Variants in SNX6 observed in about 807,000 individuals in gnomAD.
SNX6 encodes sorting nexin-6.
A neutral mutation model predicts 63.0 loss-of-function variants in SNX6; 34 were observed. That is an observed-to-expected ratio of 0.54 (90% CI 0.41 to 0.72). The LOEUF (loss-of-function observed/expected upper bound fraction) is 0.72, where lower values mean the gene tolerates loss of function less well. Ranked by LOEUF, SNX6 falls within the 30% of genes least tolerant of loss-of-function variation. The pLI, the probability that SNX6 is intolerant of heterozygous loss-of-function variation, is 0.00. For synonymous variants in SNX6, 170 were observed against 164.2 expected (o/e 1.04, Z -0.27); for missense variants, 398 against 471.4 (o/e 0.84, Z 1.44).
chr14:34,583,224 G>C lies in SNX6; in HGVS notation c.795-1624C>G, dbSNP rs566597366. On this transcript the variant is annotated intron_variant, in intron 9 of 13. Coordinates refer to ENST00000362031, the MANE Select transcript of SNX6 (RefSeq NM_152233.4). ...CTTGGGAGGCTGAGGCAGGAGAATG[G>C]TGTGAACCCGGGAGGTGGAGCTTGC... 5.3e-5 allele frequency among the ~76,000 whole-genome samples: 8 copies of C among 152,228 alleles called. No individual in the cohort carries two copies. In the South Asian group the frequency reaches 1.7e-3, roughly 32 times the overall value.
chr14:34,581,076 A>G (rs1056420626), intron 10 of SNX6, among the ~76,000 whole-genome samples: 8 of 152,212 alleles, frequency 5.3e-5, no homozygotes, highest in African/African-American at 1.7e-4. Flanking sequence ...ATCTTCCTCA[A>G]TAGAGTTAAA....
At chr14:34,575,865 A>G (rs889389607) in intron 10 of SNX6, 23 bp from the exon 11 acceptor site, 2 of 1,377,762 alleles carry the variant, frequency 1.5e-6, no homozygotes, top group South Asian at 2.5e-5. Flanking sequence ...AAAAAATTGA[A>G]TATTTAATCA....
At chr14:34,618,047 TAG>T (rs1394378220) in intron 2 of SNX6, among the ~76,000 whole-genome samples, 3 of 152,068 alleles carry the variant, frequency 2.0e-5, no homozygotes, top group Non-Finnish European at 4.4e-5. Context: ...AAAGCAAATG[TAG>T]AGAGATGGAT....
intron 5 of SNX6, among the ~76,000 whole-genome samples, chr14:34,605,318 T>G (rs539956564): frequency 6.6e-6 from 1 of 152,264 alleles, no homozygotes; most frequent in East Asian, 1.9e-4. Flanking sequence ...ACCTTTTACC[T>G]TTTTAAAAGA....
intron 8 of SNX6, among the ~76,000 whole-genome samples, chr14:34,587,798 A>AT (rs1168575667): frequency 0.11 from 12,301 of 107,004 alleles, 889 homozygotes; most frequent in Non-Finnish European, 0.15. Flanking sequence ...CGGTTGGCTA[A>AT]TTTTTTTTTT....
At chr14:34,610,550 A>G (rs1883189491) in intron 2 of SNX6, among the ~76,000 whole-genome samples, 2 of 152,202 alleles carry the variant, frequency 1.3e-5, no homozygotes, top group South Asian at 4.1e-4. Context: ...ACTATCAAAT[A>G]TAATTAAACA....
chr14:34,613,045 A>AG (rs1883291271), intron 2 of SNX6, among the ~76,000 whole-genome samples: 1 of 100,396 alleles, frequency 1.0e-5, no homozygotes, highest in Admixed American at 9.5e-5. Context: ...TCTATCCAAA[A>AG]AAAAAAAAAA....
chr14:34,628,778 A>G (rs1183143028), intron 2 of SNX6, among the ~76,000 whole-genome samples: 2 of 152,220 alleles, frequency 1.3e-5, no homozygotes, highest in Non-Finnish European at 2.9e-5. Context: ...ATTAAAACGG[A>G]TAAGAAAAAG....
intron 9 of SNX6, among the ~76,000 whole-genome samples, chr14:34,584,195 G>A (rs1488651693): frequency 6.6e-6 from 1 of 152,156 alleles, no homozygotes; most frequent in Non-Finnish European, 1.5e-5. Flanking sequence ...TTGCCAAAAA[G>A]CGTGACTTTT....
At chr14:34,604,911 T>C (rs1388728094) in intron 5 of SNX6, among the ~76,000 whole-genome samples, 1 of 151,896 alleles carries the variant, frequency 6.6e-6, no homozygotes, top group Non-Finnish European at 1.5e-5. Flanking sequence ...GCATAAGTGA[T>C]ACTCAACCTG....
chr14:34,603,296 A>G (rs1487352014), intron 6 of SNX6, 52 bp downstream of exon 6: 2 of 1,448,232 alleles, frequency 1.4e-6, no homozygotes, highest in African/African-American at 1.4e-5. Flanking sequence ...AAAAAAAAAA[A>G]GAAGAAGAAG....
chr14:34,603,516 A>T, intron 5 of SNX6, 45 bp from the exon 6 acceptor site: 1 of 1,497,148 alleles, frequency 6.7e-7, no homozygotes, highest in South Asian at 1.4e-5. Flanking sequence ...TCCATCAACT[A>T]AAAAGTCACC....
At position 34,562,571 on chromosome 14, in the gene SNX6, A is replaced by G. The variant is rs1043598306; in HGVS notation, c.*551T>C. ...CTAATGCATTTGCTTTTCTTCAGAA[A>G]TCATACTTATAAAGATTACATAAAA... On this transcript the variant is annotated 3_prime_UTR_variant, in exon 14 of 14. Coordinates refer to ENST00000362031, the MANE Select transcript of SNX6 (RefSeq NM_152233.4). 1.3e-5 allele frequency: 2 copies of G among 152,700 alleles called. No individual in the cohort carries two copies. The highest frequency in any genetic ancestry group is 2.9e-5 in the Non-Finnish European group (2 of 68,082). 9.5% of individuals were successfully genotyped at this position (152,700 alleles called of 1,614,324 possible).
chr14:34,625,248 A>G (rs1883783427), intron 2 of SNX6, among the ~76,000 whole-genome samples: 1 of 152,150 alleles, frequency 6.6e-6, no homozygotes, highest in African/African-American at 2.4e-5. Context: ...CAACAAGATG[A>G]TCTAAACTAA....
At chr14:34,586,139 AATCC>A in intron 9 of SNX6, 87 bp downstream of exon 9, 1 of 647,788 alleles carries the variant, frequency 1.5e-6, no homozygotes, top group Non-Finnish European at 2.6e-6. Flanking sequence ...CTGACCTCTT[AATCC>A]ACCCACCTTC....
chr14:34,611,399 C>T (rs1457986088), intron 2 of SNX6, among the ~76,000 whole-genome samples: 4 of 150,418 alleles, frequency 2.7e-5, no homozygotes, highest in African/African-American at 7.3e-5. Context: ...ATGGCTTGAG[C>T]CCAAGAGGTG....
In SNX6 at chr14:34,586,251, T is replaced by C. The variant is rs767403560; in HGVS notation, c.773A>G (p.Gln258Arg). 4.4e-6 allele frequency: 7 copies of C among 1,604,368 alleles called. No individual in the cohort carries two copies. The highest frequency in any genetic ancestry group is 1.3e-5 in the African/African-American group (1 of 74,716). Residue 258 changes from glutamine to arginine, a missense_variant, in exon 9 of 14, where the codon CAG becomes CGG. Coordinates refer to ENST00000362031, the MANE Select transcript of SNX6 (RefSeq NM_152233.4). Reference sequence around the variant, plus strand: ...TTACTTGCATATATCTGTAGAATCCTGAGTTCCTAAAGCATATAATGAAGA... The same window carrying C: ...TTACTTGCATATATCTGTAGAATCCCGAGTTCCTAAAGCATATAATGAAGA... ...IGSSLYALGTQDSTDICKFFL... is the reference protein window; with the variant it reads ...IGSSLYALGTRDSTDICKFFL...
intron 10 of SNX6, among the ~76,000 whole-genome samples, chr14:34,581,141 G>A (rs1167552658): frequency 6.6e-6 from 1 of 152,018 alleles, no homozygotes; most frequent in Non-Finnish European, 1.5e-5. Flanking sequence ...TCGCCAAACG[G>A]TTAACAGTGA....
intron 11 of SNX6, chr14:34,569,279 C>A (rs1881333452): frequency 5.9e-6 from 3 of 507,692 alleles, no homozygotes; most frequent in Non-Finnish European, 7.1e-6. Context: ...TGAGGATCAC[C>A]ATAATCGATT....
Sources: allele counts gnomAD v4.1 joint callset (sites outside exome capture counted in the v4.1 genomes callset), GRCh38; gene constraint gnomAD v4.1.1; transcripts MANE v1.5; gene names NCBI Gene and HGNC (gene_info 2026-07-23, HGNC 2026-07-21).